The following RAI14 variants were observed in gnomAD, a reference collection of about 807,000 sequenced individuals.
The protein encoded by RAI14 is ankycorbin.
A neutral mutation model predicts 115.4 loss-of-function variants in RAI14; 45 were observed. That is an observed-to-expected ratio of 0.39 (90% CI 0.31 to 0.50). The LOEUF (loss-of-function observed/expected upper bound fraction) is 0.50, where lower values mean the gene tolerates loss of function less well. RAI14 is among the 20% of genes least tolerant of loss of function. The pLI, the probability that RAI14 is intolerant of heterozygous loss-of-function variation, is 0.85. For synonymous variants in RAI14, 371 were observed against 415.4 expected, an observed-to-expected ratio of 0.89 and a Z score of 1.30; for missense variants, 939 against 1,131.2, an observed-to-expected ratio of 0.83 and a Z score of 2.44.
chr5:34,816,026 CA>C (rs1580351420), intron 12 of RAI14, among the ~76,000 whole-genome samples: 1 of 151,950 alleles, frequency 6.6e-6, no homozygotes, highest in African/African-American at 2.4e-5. Flanking sequence ...GAGGAAATGC[CA>C]AAAATTATAT....
chr5:34,709,315 G>T (rs1741113377), intron 2 of RAI14, among the ~76,000 whole-genome samples: 1 of 152,100 alleles, frequency 6.6e-6, no homozygotes, highest in African/African-American at 2.4e-5. Flanking sequence ...GGGCATGGTG[G>T]CATGTGCCTA....
At position 34,686,139 on chromosome 5, in the gene RAI14, A is replaced by G. The variant is rs28365782; in HGVS notation, c.-48-733A>G. ...CTCATCACTTTTCACAAGGAGGTGGATGGCATGATTGCAGCACAGAAGATA... is the reference window on the plus strand; with the variant it reads ...CTCATCACTTTTCACAAGGAGGTGGGTGGCATGATTGCAGCACAGAAGATA... On this transcript the variant is annotated intron_variant, in intron 1 of 17. Coordinates refer to ENST00000265109, the MANE Select transcript of RAI14 (RefSeq NM_015577.3). 4.6e-5 allele frequency among the ~76,000 whole-genome samples: 7 copies of G among 152,326 alleles called. No individual in the cohort carries two copies. In the East Asian group the frequency reaches 1.3e-3, roughly 29 times the overall value.
intron 3 of RAI14, among the ~76,000 whole-genome samples, chr5:34,772,972 G>T (rs1580206136): frequency 1.3e-5 from 2 of 152,130 alleles, no homozygotes; most frequent in East Asian, 3.8e-4. Context: ...GCTTATTTGT[G>T]CCATTTTGCT....
intron 2 of RAI14, among the ~76,000 whole-genome samples, chr5:34,702,630 C>T (rs1740217306): frequency 6.6e-6 from 1 of 152,240 alleles, no homozygotes; most frequent in Admixed American, 6.5e-5. Context: ...TACTACAAAC[C>T]TGTGCTTTAT....
intron 2 of RAI14, among the ~76,000 whole-genome samples, chr5:34,754,829 G>A (rs1052550103): frequency 2.6e-5 from 4 of 152,242 alleles, no homozygotes; most frequent in Admixed American, 6.5e-5. Context: ...CATGTGGAAC[G>A]AATTTTAGGG....
At chr5:34,740,494 A>G (rs1745373130) in intron 2 of RAI14, among the ~76,000 whole-genome samples, 1 of 152,244 alleles carries the variant, frequency 6.6e-6, no homozygotes, top group Admixed American at 6.5e-5. Context: ...GAGGCTTCCC[A>G]TATGGGAACC....
intron 1 of RAI14, among the ~76,000 whole-genome samples, chr5:34,677,985 G>A (rs113824594): frequency 3.9e-5 from 6 of 152,126 alleles, no homozygotes; most frequent in East Asian, 1.9e-4. Context: ...CCTGCTACCC[G>A]GCCTCCTGCA....
chr5:34,687,770 G>A, intron 2 of RAI14: 1 of 1,537,054 alleles, frequency 6.5e-7, no homozygotes, highest in Non-Finnish European at 8.8e-7. Flanking sequence ...TTCAGGCGAG[G>A]TAATTAAAGA....
At chr5:34,777,225 A>G (rs1750973021) in intron 3 of RAI14, among the ~76,000 whole-genome samples, 2 of 152,214 alleles carry the variant, frequency 1.3e-5, no homozygotes, top group South Asian at 2.1e-4. Flanking sequence ...CTGCACTTGC[A>G]TTATTTACAA....
At chr5:34,681,670 A>AT (rs1332884780) in intron 1 of RAI14, among the ~76,000 whole-genome samples, 3 of 149,592 alleles carry the variant, frequency 2.0e-5, no homozygotes, top group Non-Finnish European at 4.5e-5. Flanking sequence ...AATTAAAAAA[A>AT]TTTTTTTTTG....
In RAI14 at chr5:34,803,720, G is replaced by A. The variant is rs369052260; in HGVS notation, c.265G>A (p.Ala89Thr). The change falls in exon 5 of 18, where the codon GCC (alanine) becomes ACC (threonine). Residue 89 changes from alanine (A) to threonine (T), a missense_variant. Ala to Thr is a moderately conservative substitution (Grantham distance 58). Transcript: ENST00000265109. Reference sequence around the variant, plus strand: ...TGAAAAAATCCATTTAGGACACAGCGCCTTACATCTCGCAGCCAAGAACAG... The same window carrying A: ...TGAAAAAATCCATTTAGGACACAGCACCTTACATCTCGCAGCCAAGAACAG... ...VTAQDTTGHSALHLAAKNSHH... is the reference protein window; with the variant it reads ...VTAQDTTGHSTLHLAAKNSHH... The A allele has an allele frequency of 1.6e-5, 26 of 1,610,132 alleles. No individual in the cohort carries two copies. In the East Asian group the frequency reaches 2.9e-4, roughly 18 times the overall value.
At chr5:34,687,627 C>G (rs1159881253) in intron 2 of RAI14, 2 of 1,548,702 alleles carry the variant, frequency 1.3e-6, no homozygotes, top group East Asian at 4.9e-5. Flanking sequence ...ATAAACCCTT[C>G]TATGATCCCA....
At chr5:34,733,922 C>T (rs1026859361) in intron 2 of RAI14, among the ~76,000 whole-genome samples, 1 of 152,196 alleles carries the variant, frequency 6.6e-6, no homozygotes, top group Non-Finnish European at 1.5e-5. Context: ...CAAGGGCAGC[C>T]ATCTTGGTTG....
intron 3 of RAI14, among the ~76,000 whole-genome samples, chr5:34,789,960 A>G (rs1043852691): frequency 1.3e-4 from 20 of 152,166 alleles, no homozygotes; most frequent in African/African-American, 4.3e-4. Context: ...CCATCTGACT[A>G]GATGTTTTTG....
intron 3 of RAI14, among the ~76,000 whole-genome samples, chr5:34,786,416 A>C (rs1178802416): frequency 6.6e-6 from 1 of 152,190 alleles, no homozygotes; most frequent in Non-Finnish European, 1.5e-5. Context: ...TTTCTTCAAA[A>C]TAAGAAGGGG....
Position 34,791,359 on chromosome 5 carries a change from A to G in RAI14, c.168-4580A>G, listed in dbSNP as rs1487505042. Among the ~76,000 whole-genome samples the G allele has an allele frequency of 6.6e-6, 1 of 152,148 alleles. No individual in the cohort carries two copies. Among genetic ancestry groups the G allele is most frequent in the Non-Finnish European group, 1.5e-5 (1 of 68,016 alleles). On this transcript the variant is annotated intron_variant, in intron 3 of 17. Transcript: ENST00000265109. This position sits in a 1 kb window ranked among gnomAD's most constrained non-coding sequence, Gnocchi z 5.4. ...TTTAAACGGGTCTCTACTTTGGCCT[A>G]AGACCATATTAGAAAACTTTTTTGA...
At chr5:34,829,166 CACACACACACAT>C (rs916753016) in intron 16 of RAI14, among the ~76,000 whole-genome samples, 32 of 122,630 alleles carry the variant, frequency 2.6e-4, no homozygotes, top group Middle Eastern at 7.8e-3. Context: ...CACACATACA[CACACACACACAT>C]ACACACACAC....
chr5:34,806,352 T>C (rs190473184), intron 5 of RAI14, among the ~76,000 whole-genome samples: 68 of 152,170 alleles, frequency 4.5e-4, no homozygotes, highest in African/African-American at 1.6e-3. Context: ...AGCATGGAAG[T>C]GTGAGGGGCT....
chr5:34,822,435 G>T (rs1306623634), intron 14 of RAI14, among the ~76,000 whole-genome samples: 5 of 150,960 alleles, frequency 3.3e-5, no homozygotes, highest in African/African-American at 1.2e-4. Context: ...TTTTGAATTG[G>T]AGGCTTTGTA....
Sources: gnomAD v4.1 joint callset for allele counts (sites outside exome capture counted in the v4.1 genomes callset) on GRCh38, gnomAD v4.1.1 for gene constraint, Gnocchi (gnomAD v3.1) non-coding constraint, MANE v1.5 for transcripts, NCBI Gene and HGNC (gene_info 2026-07-23, HGNC 2026-07-21) for gene names.